The following HECTD4 variants were observed in gnomAD, a reference collection of about 807,000 sequenced individuals.
HECTD4 encodes probable E3 ubiquitin-protein ligase HECTD4.
In HECTD4, 114 loss-of-function variants were observed where a neutral mutation model predicts 471.5. That is an observed-to-expected ratio of 0.24 (90% CI 0.21 to 0.28). HECTD4 has a LOEUF of 0.28. Ranked by LOEUF, HECTD4 falls within the 10% of genes least tolerant of loss-of-function variation. The probability of loss-of-function intolerance (pLI) is 1.00; values close to 1 mark genes in which losing one functional copy is unlikely to be tolerated. For missense variants in HECTD4, 3,866 were observed against 5,651.5 expected (o/e 0.68, Z 10.13); for synonymous variants, 2,012 against 2,256.0 (o/e 0.89, Z 3.07).
chr12:112,162,768 C>G lies in HECTD4; in HGVS notation c.13121-245G>C, dbSNP rs192743323. On this transcript the variant is annotated intron_variant, in intron 75 of 75. Coordinates refer to ENST00000682272, the MANE Select transcript of HECTD4 (RefSeq NM_001388303.1). The surrounding 1 kb of genome is among the most constrained non-coding windows in gnomAD (Gnocchi z 5.2). ...GGTTTGTCTGCCCAGCAAATTGTTT[C>G]TTTTTTTTTTTTTTTAACCATTTTT... 3.0e-5 allele frequency: 14 copies of G among 466,494 alleles called. No individual in the cohort carries two copies. The highest frequency in any genetic ancestry group is 2.1e-4 in the African/African-American group (10 of 46,604). 28.9% of individuals were successfully genotyped at this position (466,494 alleles called of 1,614,324 possible). A position where few individuals can be genotyped will look rare whatever the true frequency, so the allele number is the denominator to read the frequency against.
chr12:112,239,295 C>T lies in HECTD4; in HGVS notation c.5106-59G>A, dbSNP rs2033586174. The T allele has an allele frequency of 2.0e-6, 3 of 1,477,214 alleles. No homozygotes were observed. The highest frequency in any genetic ancestry group is 2.8e-5 in the South Asian group (2 of 72,068). The allele number at this position is 1,477,214 out of a possible 1,614,324, so 91.5% of individuals were successfully genotyped here. A position where few individuals can be genotyped will look rare whatever the true frequency, so the allele number is the denominator to read the frequency against. Reference sequence around the variant, plus strand: ...GTAACTGACCGACACTCAGGAAACTCTCATGTGAGGTTCAAAGGGGCATAA... The same window carrying T: ...GTAACTGACCGACACTCAGGAAACTTTCATGTGAGGTTCAAAGGGGCATAA... On this transcript the variant is annotated intron_variant, in intron 33 of 75. Transcript: ENST00000682272. This position sits in a 1 kb window ranked among gnomAD's most constrained non-coding sequence, Gnocchi z 4.9.
Position 112,162,749 on chromosome 12 carries a change from T to C in HECTD4, c.13121-226A>G. On this transcript the variant is annotated intron_variant, in intron 75 of 75. Coordinates refer to ENST00000682272, the MANE Select transcript of HECTD4 (RefSeq NM_001388303.1). This position sits in a 1 kb window ranked among gnomAD's most constrained non-coding sequence, Gnocchi z 5.2. ...ATGTGCCAAACTGCTGATGGGTTTG[T>C]CTGCCCAGCAAATTGTTTCTTTTTT... 1.8e-6 allele frequency: 1 copy of C among 566,416 alleles called. No individual in the cohort carries two copies. Among genetic ancestry groups the C allele is most frequent in the Non-Finnish European group, 3.1e-6 (1 of 326,216 alleles). 35.1% of individuals were successfully genotyped at this position (566,416 alleles called of 1,614,324 possible).
In HECTD4 at chr12:112,194,787, T is replaced by C; in HGVS notation, c.8749+98A>G. On this transcript the variant is annotated intron_variant, in intron 56 of 75. Coordinates refer to ENST00000682272, the MANE Select transcript of HECTD4 (RefSeq NM_001388303.1). The surrounding 1 kb of genome is among the most constrained non-coding windows in gnomAD (Gnocchi z 4.6). ...TTCTCACGTGAGCCTATGCGCACCA[T>C]GAGGCATTTCTCGCCCTCATGCAGG... 4 of 1,116,576 alleles carry C rather than the reference T, an allele frequency of 3.6e-6. No homozygotes were observed. Among genetic ancestry groups the C allele is most frequent in the South Asian group, 3.0e-5 (2 of 66,186 alleles). The allele number at this position is 1,116,576 out of a possible 1,614,324, so 69.2% of individuals were successfully genotyped here.
intron 7 of HECTD4, among the ~76,000 whole-genome samples, chr12:112,283,724 C>G (rs80234740): frequency 6.6e-6 from 1 of 152,166 alleles, no homozygotes; most frequent in Non-Finnish European, 1.5e-5. Flanking sequence ...TCTTTATTAA[C>G]AGCAGTTAAC....
At chr12:112,343,732 C>T (rs377108513) in intron 1 of HECTD4, among the ~76,000 whole-genome samples, 1 of 151,856 alleles carries the variant, frequency 6.6e-6, no homozygotes, top group Non-Finnish European at 1.5e-5. Flanking sequence ...GATCACGCCA[C>T]TATACTGCAG....
chr12:112,168,107 G>A (rs185243376), intron 70 of HECTD4, among the ~76,000 whole-genome samples, 190 bp from the exon 71 acceptor site: 50 of 152,296 alleles, frequency 3.3e-4, no homozygotes, highest in Admixed American at 1.3e-3. Flanking sequence ...TCACTAGTGG[G>A]GCCACCCAGG....
intron 1 of HECTD4, among the ~76,000 whole-genome samples, chr12:112,349,607 A>G (rs752131180): frequency 1.4e-4 from 22 of 152,242 alleles, no homozygotes; most frequent in Non-Finnish European, 1.9e-4. Flanking sequence ...CTCTTGTTAT[A>G]TGAATCTCAA....
chr12:112,377,511 T>C (rs918162679), intron 1 of HECTD4, among the ~76,000 whole-genome samples: 22 of 152,182 alleles, frequency 1.4e-4, no homozygotes, highest in African/African-American at 5.1e-4. Flanking sequence ...ATTCCACCAA[T>C]ACTTGTTGAA....
rs375061280 is a variant in HECTD4, at chr12:112,164,091, A to C, written c.12701+18T>G. The C allele has an allele frequency of 3.0e-5, 43 of 1,446,006 alleles. No homozygotes were observed. Among genetic ancestry groups the C allele is most frequent in the African/African-American group, 4.3e-5 (3 of 70,164 alleles). The allele number at this position is 1,446,006 out of a possible 1,614,324, so 89.6% of individuals were successfully genotyped here. A position where few individuals can be genotyped will look rare whatever the true frequency, so the allele number is the denominator to read the frequency against. Reference sequence around the variant, plus strand: ...CCGGGCCAGCCCCTGCCAGCCCCTGACACGCGCACACACTCACGCCACAAG... The same window carrying C: ...CCGGGCCAGCCCCTGCCAGCCCCTGCCACGCGCACACACTCACGCCACAAG... On this transcript the variant is annotated intron_variant, in intron 73 of 75. Coordinates refer to ENST00000682272, the MANE Select transcript of HECTD4 (RefSeq NM_001388303.1).
chr12:112,324,806 C>A (rs958008088), intron 1 of HECTD4, among the ~76,000 whole-genome samples: 2 of 152,084 alleles, frequency 1.3e-5, no homozygotes, highest in Non-Finnish European at 2.9e-5. Context: ...CAGTCATAAA[C>A]ATCTAAACAA....
intron 55 of HECTD4, among the ~76,000 whole-genome samples, chr12:112,197,351 G>C (rs1032036586): frequency 2.6e-5 from 4 of 152,044 alleles, no homozygotes; most frequent in African/African-American, 9.7e-5. Context: ...ACAAGGTCTT[G>C]CTCTGTTGCC....
chr12:112,382,259 C>A lies in HECTD4; in HGVS notation c.-131G>T. The A allele has an allele frequency of 1.4e-6, 1 of 727,942 alleles. No individual in the cohort carries two copies. Among genetic ancestry groups the A allele is most frequent in the Admixed American group, 4.6e-5 (1 of 21,600 alleles). The allele number at this position is 727,942 out of a possible 1,614,324, so 45.1% of individuals were successfully genotyped here. A position where few individuals can be genotyped will look rare whatever the true frequency, so the allele number is the denominator to read the frequency against. ...AGCGGCGCCCCACTTGCTGCCTCGC[C>A]CGTGCAACTCCGCCCTAGGCGGTCC... On this transcript the variant is annotated 5_prime_UTR_variant, in exon 1 of 76. Coordinates refer to ENST00000682272, the MANE Select transcript of HECTD4 (RefSeq NM_001388303.1).
At chr12:112,345,841 G>A (rs1257769443) in intron 1 of HECTD4, among the ~76,000 whole-genome samples, 2 of 152,228 alleles carry the variant, frequency 1.3e-5, no homozygotes, top group Admixed American at 6.5e-5. Context: ...CTTGCAGTGA[G>A]CAGAGATCGT....
At chr12:112,253,987 T>C in intron 22 of HECTD4, 56 bp downstream of exon 22, 1 of 1,595,956 alleles carries the variant, frequency 6.3e-7, no homozygotes, top group Non-Finnish European at 8.6e-7. Flanking sequence ...CTTGGACCTG[T>C]GAGGACTGCA....
At chr12:112,226,534 G>T in intron 44 of HECTD4, 109 bp downstream of exon 44, 1 of 586,438 alleles carries the variant, frequency 1.7e-6, no homozygotes, top group Non-Finnish European at 2.9e-6. Context: ...CTTACAGCTC[G>T]GCTGTTTTGA....
At chr12:112,339,778 G>T (rs2036022616) in intron 1 of HECTD4, among the ~76,000 whole-genome samples, 1 of 152,228 alleles carries the variant, frequency 6.6e-6, no homozygotes, top group Non-Finnish European at 1.5e-5. Flanking sequence ...GCCAGGCACA[G>T]TGGCTCATGC....
At position 112,319,544 on chromosome 12, in the gene HECTD4, G is replaced by C; in HGVS notation, c.376C>G (p.Leu126Val). The C allele has an allele frequency of 6.9e-7, 1 of 1,442,832 alleles. No individual in the cohort carries two copies. The highest frequency in any genetic ancestry group is 9.1e-7 in the Non-Finnish European group (1 of 1,104,022). 89.4% of individuals were successfully genotyped at this position (1,442,832 alleles called of 1,614,324 possible). A position where few individuals can be genotyped will look rare whatever the true frequency, so the allele number is the denominator to read the frequency against. The change falls in exon 2 of 76, where the codon CTG becomes GTG. Residue 126 changes from leucine to valine, a missense_variant. Leu to Val is a conservative substitution (Grantham distance 32, BLOSUM62 1). Transcript: ENST00000682272. This position sits in a 1 kb window ranked among gnomAD's most constrained non-coding sequence, Gnocchi z 5.3. ...TGCAACAAGCCCTGGCGTTTGAGCAGGGCCAAAGTTTCCTCATCACCTGAA... is the reference window on the plus strand; with the variant it reads ...TGCAACAAGCCCTGGCGTTTGAGCACGGCCAAAGTTTCCTCATCACCTGAA... ...ESSGDEETLA[L>V]LKRQGLLQQP...
chr12:112,227,098 A>G (rs2033259142), intron 43 of HECTD4, among the ~76,000 whole-genome samples: 1 of 152,210 alleles, frequency 6.6e-6, no homozygotes, highest in African/African-American at 2.4e-5. Context: ...GAGGGATTCA[A>G]AAAGTGGGAA....
chr12:112,242,896 G>A (rs916129453), intron 32 of HECTD4, among the ~76,000 whole-genome samples: 4 of 152,148 alleles, frequency 2.6e-5, no homozygotes, highest in Non-Finnish European at 4.4e-5. Context: ...TGGTGACAGA[G>A]TGAGACTCTG....
Sources: gnomAD v4.1 joint callset for allele counts (sites outside exome capture counted in the v4.1 genomes callset) on GRCh38, gnomAD v4.1.1 for gene constraint, Gnocchi (gnomAD v3.1) non-coding constraint, MANE v1.5 for transcripts, NCBI Gene and HGNC (gene_info 2026-07-23, HGNC 2026-07-21) for gene names.